The following HSF5 variants were observed in gnomAD, a reference collection of about 807,000 sequenced individuals.
HSF5 encodes the protein heat shock transcription factor 5, also known as heat shock factor protein 5.
In HSF5, 5 loss-of-function variants were observed where a neutral mutation model predicts 50.8. The ratio of observed to expected loss-of-function variants is 0.10; its 90% CI spans 0.05 to 0.21. The LOEUF is 0.21. HSF5 is among the 10% of genes least tolerant of loss of function. The pLI is 1.00. For missense variants in HSF5, 564 were observed against 762.6 expected, an observed-to-expected ratio of 0.74 and a Z score of 3.07; for synonymous variants, 307 against 307.4, an observed-to-expected ratio of 1.00 and a Z score of 0.02.
At chr17:58,485,245 G>T (rs1270657741) in intron 1 of HSF5, among the ~76,000 whole-genome samples, 1 of 151,764 alleles carries the variant, frequency 6.6e-6, no homozygotes, top group Non-Finnish European at 1.5e-5. Flanking sequence ...GAGCCACCAC[G>T]CCCGGCCCCA....
intron 5 of HSF5, among the ~76,000 whole-genome samples, chr17:58,433,389 G>A (rs540965417): frequency 2.6e-5 from 4 of 152,294 alleles, no homozygotes; most frequent in South Asian, 2.1e-4. Context: ...AAGACGTAGC[G>A]TAGGCAGTAG....
chr17:58,476,150 T>C, intron 2 of HSF5: 1 of 1,063,568 alleles, frequency 9.4e-7, no homozygotes, highest in South Asian at 1.4e-5. Flanking sequence ...TCCTTCATCC[T>C]TCTCTCCTTC....
chr17:58,476,417 C>T (rs1975012668), intron 2 of HSF5: 4 of 1,032,514 alleles, frequency 3.9e-6, no homozygotes, highest in South Asian at 1.3e-5. Flanking sequence ...CTCTTCCTGC[C>T]GGCTTTATTC....
chr17:58,469,668 T>C (rs527801418), intron 2 of HSF5, among the ~76,000 whole-genome samples: 3 of 152,210 alleles, frequency 2.0e-5, no homozygotes, highest in Non-Finnish European at 4.4e-5. Flanking sequence ...CAACTGTGCA[T>C]TATGAAAGCA....
intron 2 of HSF5, among the ~76,000 whole-genome samples, chr17:58,469,712 C>A (rs950577547): frequency 2.0e-5 from 3 of 152,126 alleles, no homozygotes; most frequent in Non-Finnish European, 2.9e-5. Context: ...ATCACTATGT[C>A]CTAAGATACA....
chr17:58,466,852 C>G (rs771532436), intron 3 of HSF5, 33 bp downstream of exon 3: 1 of 1,303,436 alleles, frequency 7.7e-7, no homozygotes, highest in South Asian at 1.2e-5. Flanking sequence ...GCACATAAAG[C>G]GCGGAGCATG....
At chr17:58,468,983 G>A (rs981405997) in intron 2 of HSF5, among the ~76,000 whole-genome samples, 4 of 151,446 alleles carry the variant, frequency 2.6e-5, no homozygotes, top group Non-Finnish European at 5.9e-5. Context: ...AAATGTTTTG[G>A]ATTTGAATTT....
chr17:58,466,913 G>C lies in HSF5; in HGVS notation c.992C>G (p.Ser331Cys). The change falls in exon 3 of 6, where the codon TCT becomes TGT. Residue 331 changes from serine to cysteine, a missense_variant. Physicochemically the swap from Ser to Cys is moderately radical, Grantham distance 112. Around this residue, in one of 5 missense-constraint regions of HSF5, gnomAD observed 441 missense variants for 533.6 expected, o/e 0.83. Coordinates refer to ENST00000323777, the MANE Select transcript of HSF5 (RefSeq NM_001080439.3). ...GAAGTAGTTGCAGTGTGCATAGGAA[G>C]AGGCAGTGGGAGTGACACAACTACT... is the stretch of plus-strand genomic sequence containing the variant. The part of the protein sequence containing the change: ...ALSSCVTPTA[S>C]SYAHCNYFQN... The C allele has an allele frequency of 6.2e-7, 1 of 1,607,906 alleles. No individual in the cohort carries two copies. The highest frequency in any genetic ancestry group is 8.5e-7 in the Non-Finnish European group (1 of 1,174,376).
chr17:58,476,760 G>A lies in HSF5; in HGVS notation c.925+3133C>T, dbSNP rs763249413. 340 of 1,598,140 alleles carry A rather than the reference G, an allele frequency of 2.1e-4. 2 individuals carry two copies. The highest frequency in any genetic ancestry group is 2.1e-4 in the Non-Finnish European group (246 of 1,168,298). The stretch of plus-strand genomic sequence containing the variant: ...ATCTCTTCTGAAAAAAATGGTTGGC[G>A]GAGTTTGTTATATTTCTGTTCTACT... On this transcript the variant is annotated intron_variant, in intron 2 of 5. Coordinates refer to ENST00000323777, the MANE Select transcript of HSF5 (RefSeq NM_001080439.3).
rs540606976 is a variant in HSF5, at chr17:58,432,603, G to C, written c.1721-10173C>G. Among the ~76,000 whole-genome samples, 4 of 152,224 alleles carry C rather than the reference G, an allele frequency of 2.6e-5. No homozygotes were observed. In the South Asian group the frequency reaches 8.3e-4, roughly 32 times the overall value. ...GATGAGGGAGATAGAAGGTGGTAGG[G>C]GATGAAGCCAGAACAGTTGCCAGGA... On this transcript the variant is annotated intron_variant, in intron 5 of 5. Transcript: ENST00000323777.
At chr17:58,476,847 T>C in intron 2 of HSF5, 3 of 1,451,696 alleles carry the variant, frequency 2.1e-6, no homozygotes, top group African/African-American at 1.4e-5. Context: ...ATTTCATCAA[T>C]GTGTTCAATT....
intron 5 of HSF5, among the ~76,000 whole-genome samples, chr17:58,424,066 C>T (rs1343713776): frequency 6.6e-6 from 1 of 152,146 alleles, no homozygotes; most frequent in Admixed American, 6.5e-5. Flanking sequence ...GGGATAGGTG[C>T]TTACTCATCT....
intron 2 of HSF5, among the ~76,000 whole-genome samples, chr17:58,469,397 A>T (rs1974915482): frequency 6.6e-6 from 1 of 152,240 alleles, no homozygotes; most frequent in African/African-American, 2.4e-5. Context: ...TTGATAGCTG[A>T]GTTAGTATCT....
At chr17:58,437,680 T>C (rs1598183196) in intron 5 of HSF5, among the ~76,000 whole-genome samples, 1 of 152,220 alleles carries the variant, frequency 6.6e-6, no homozygotes, top group Non-Finnish European at 1.5e-5. Context: ...CATATTGTGT[T>C]GCAACTTACC....
At position 58,458,903 on chromosome 17, in the gene HSF5, T is replaced by C. The variant is rs1360771767; in HGVS notation, c.1585A>G (p.Ile529Val). The part of the protein sequence containing the change: ...IKCQTSSREN[I>V]LPSEQMGFLI... ...AATCCCATCTGTTCTGACGGCAAGA[T>C]ATTCTCACGTGAACTGGTCTGGCAT... Residue 529 changes from isoleucine to valine, a missense_variant, in exon 5 of 6, where the codon ATC becomes GTC. Around this residue, in one of 5 missense-constraint regions of HSF5, gnomAD observed 441 missense variants for 533.6 expected, o/e 0.83. Coordinates refer to ENST00000323777, the MANE Select transcript of HSF5 (RefSeq NM_001080439.3). 1.9e-6 allele frequency: 3 copies of C among 1,613,954 alleles called. No homozygotes were observed. The highest frequency in any genetic ancestry group is 1.3e-5 in the African/African-American group (1 of 74,932).
intron 5 of HSF5, among the ~76,000 whole-genome samples, chr17:58,428,681 C>G (rs1354437703): frequency 6.6e-6 from 1 of 151,864 alleles, no homozygotes; most frequent in Non-Finnish European, 1.5e-5. Flanking sequence ...AAAACCACAA[C>G]GAATTACACC....
At chr17:58,470,651 G>C (rs1486907572) in intron 2 of HSF5, among the ~76,000 whole-genome samples, 1 of 152,170 alleles carries the variant, frequency 6.6e-6, no homozygotes, top group Non-Finnish European at 1.5e-5. Context: ...AACTTGGATG[G>C]GCGCAGTGGC....
chr17:58,436,963 C>T (rs1241389888), intron 5 of HSF5, among the ~76,000 whole-genome samples: 1 of 152,106 alleles, frequency 6.6e-6, no homozygotes, highest in African/African-American at 2.4e-5. Context: ...TGACTGGGGG[C>T]CTTTTAATTC....
At chr17:58,431,556 C>G (rs1246968705) in intron 5 of HSF5, among the ~76,000 whole-genome samples, 1 of 152,046 alleles carries the variant, frequency 6.6e-6, no homozygotes, top group Admixed American at 6.6e-5. Context: ...CGTGCATGAC[C>G]ATATATATCC....
Sources: gnomAD v4.1 joint callset for allele counts (sites outside exome capture counted in the v4.1 genomes callset) on GRCh38, gnomAD v4.1.1 for gene constraint, gnomAD v4.1.1 regional missense constraint, MANE v1.5 for transcripts, NCBI Gene and HGNC (gene_info 2026-07-23, HGNC 2026-07-21) for gene names.